The following CHST11 variants were observed in gnomAD, a reference collection of about 807,000 sequenced individuals.
The protein encoded by CHST11 is C4S-1.
CHST11 carries 9 observed loss-of-function variants against 30.4 expected under a neutral mutation model. The ratio of observed to expected loss-of-function variants is 0.30; its 90% CI spans 0.18 to 0.52. The LOEUF (loss-of-function observed/expected upper bound fraction) is 0.52, where lower values mean the gene tolerates loss of function less well. Ranked by LOEUF, CHST11 falls within the 20% of genes least tolerant of loss-of-function variation. The probability of loss-of-function intolerance (pLI) is 0.97; values close to 1 mark genes in which losing one functional copy is unlikely to be tolerated. For missense variants in CHST11, 348 were observed against 460.6 expected (o/e 0.76, Z 2.24); for synonymous variants, 152 against 187.8 (o/e 0.81, Z 1.56).
At chr12:104,677,849 C>T (rs1283372621) in intron 2 of CHST11, among the ~76,000 whole-genome samples, 1 of 152,208 alleles carries the variant, frequency 6.6e-6, no homozygotes, top group Non-Finnish European at 1.5e-5. Context: ...CACCCTGTCC[C>T]TCAGTTGCTG....
intron 2 of CHST11, among the ~76,000 whole-genome samples, chr12:104,648,848 A>G (rs2039462990): frequency 6.6e-6 from 1 of 152,174 alleles, no homozygotes; most frequent in Non-Finnish European, 1.5e-5. Context: ...AGGGACTAGC[A>G]AACCAGCAAG....
intron 2 of CHST11, among the ~76,000 whole-genome samples, chr12:104,735,112 T>G (rs1378248687): frequency 1.3e-5 from 2 of 152,138 alleles, no homozygotes; most frequent in Non-Finnish European, 2.9e-5. Context: ...TAGGGATCTA[T>G]GGGTAAACAG....
intron 2 of CHST11, among the ~76,000 whole-genome samples, chr12:104,681,349 A>G (rs1006485014): frequency 2.1e-4 from 32 of 152,262 alleles, no homozygotes; most frequent in African/African-American, 7.7e-4. Flanking sequence ...AAGACCGCAT[A>G]TGATATGATT....
chr12:104,583,997 G>A (rs901212721), intron 1 of CHST11, among the ~76,000 whole-genome samples: 2 of 152,314 alleles, frequency 1.3e-5, no homozygotes. Flanking sequence ...ACAGGCGTGA[G>A]CCACCGCACC....
In CHST11 at chr12:104,471,251, A is replaced by G. The variant is rs1022887651; in HGVS notation, c.118+13722A>G. 2.0e-4 allele frequency among the ~76,000 whole-genome samples: 30 copies of G among 152,352 alleles called. 2 individuals carry two copies. Among genetic ancestry groups the G allele is most frequent in the Admixed American group, 1.0e-3 (16 of 15,306 alleles). On this transcript the variant is annotated intron_variant, in intron 1 of 2. Coordinates refer to ENST00000303694, the MANE Select transcript of CHST11 (RefSeq NM_018413.6). ...AAGGGGCCATGTCTTGTTTAGCACA[A>G]TATCCCAACATCTCCAATAGAGCCT...
intron 2 of CHST11, among the ~76,000 whole-genome samples, chr12:104,739,092 T>C (rs3894626): frequency 0.024 from 3,629 of 152,248 alleles, 165 homozygotes; most frequent in African/African-American, 0.083. Context: ...ACGCTGTCAG[T>C]GGGAGGTTGG....
At chr12:104,482,838 T>C (rs528008713) in intron 1 of CHST11, among the ~76,000 whole-genome samples, 1 of 152,244 alleles carries the variant, frequency 6.6e-6, no homozygotes, top group East Asian at 1.9e-4. Context: ...GACTTTAATG[T>C]CTTAAAAATG....
intron 2 of CHST11, among the ~76,000 whole-genome samples, chr12:104,641,085 A>G (rs140236904): frequency 3.3e-5 from 5 of 152,248 alleles, no homozygotes; most frequent in Non-Finnish European, 5.9e-5. Context: ...GATGAGTCCA[A>G]TCGGGGACCA....
At chr12:104,548,200 A>T (rs973219907) in intron 1 of CHST11, among the ~76,000 whole-genome samples, 1 of 152,246 alleles carries the variant, frequency 6.6e-6, no homozygotes, top group Non-Finnish European at 1.5e-5. Context: ...GGTGGCACAC[A>T]GTAGGTGGTG....
intron 2 of CHST11, among the ~76,000 whole-genome samples, chr12:104,667,642 CT>C (rs766088456): frequency 2.4e-4 from 36 of 152,172 alleles, no homozygotes; most frequent in Non-Finnish European, 7.3e-5. Context: ...ACTCTGCTTT[CT>C]GCTCATTTCA....
chr12:104,487,637 G>C (rs972732100), intron 1 of CHST11, among the ~76,000 whole-genome samples: 25 of 152,156 alleles, frequency 1.6e-4, no homozygotes, highest in African/African-American at 5.8e-4. Context: ...GCTTGGAGAG[G>C]TAAAGATATT....
intron 2 of CHST11, among the ~76,000 whole-genome samples, chr12:104,713,860 C>T (rs796943941): frequency 3.3e-5 from 5 of 152,312 alleles, no homozygotes; most frequent in African/African-American, 1.2e-4. Flanking sequence ...GAGCAGCAGG[C>T]GAGGCTAGGG....
intron 1 of CHST11, among the ~76,000 whole-genome samples, chr12:104,513,132 G>GGGGGC (rs2037984650): frequency 1.8e-5 from 2 of 110,212 alleles, no homozygotes; most frequent in African/African-American, 7.8e-5. Context: ...CTGGGGGGGG[G>GGGGGC]GGGGGTTGGG....
intron 1 of CHST11, among the ~76,000 whole-genome samples, chr12:104,525,866 A>G (rs1342153418): frequency 7.4e-6 from 1 of 135,978 alleles, no homozygotes; most frequent in Non-Finnish European, 1.6e-5. Flanking sequence ...CATCTTTGCT[A>G]TGATGCCGAT....
intron 1 of CHST11, among the ~76,000 whole-genome samples, chr12:104,594,682 C>T (rs967728839): frequency 1.3e-5 from 2 of 152,182 alleles, no homozygotes; most frequent in East Asian, 3.9e-4. Flanking sequence ...TAGGGCTTGA[C>T]GTGGTGGCTC....
chr12:104,468,687 G>A (rs1336617447), intron 1 of CHST11, among the ~76,000 whole-genome samples: 1 of 152,220 alleles, frequency 6.6e-6, no homozygotes, highest in Non-Finnish European at 1.5e-5. Context: ...TGTGTAAACA[G>A]CATCTGGCGT....
intron 1 of CHST11, among the ~76,000 whole-genome samples, chr12:104,561,272 C>T (rs1166245824): frequency 6.6e-6 from 1 of 152,166 alleles, no homozygotes; most frequent in Non-Finnish European, 1.5e-5. Context: ...AAGCCCAGAC[C>T]CCTCCCATCT....
At chr12:104,503,396 A>G (rs1430769578) in intron 1 of CHST11, among the ~76,000 whole-genome samples, 2 of 152,216 alleles carry the variant, frequency 1.3e-5, no homozygotes, top group African/African-American at 2.4e-5. Flanking sequence ...CTTCCTGGCT[A>G]TGTGGCCTCG....
At chr12:104,720,994 G>A (rs1488251389) in intron 2 of CHST11, among the ~76,000 whole-genome samples, 1 of 152,172 alleles carries the variant, frequency 6.6e-6, no homozygotes, top group Non-Finnish European at 1.5e-5. Flanking sequence ...TTGCTCCAGG[G>A]CCGGGGCTGG....
Sources: gnomAD v4.1 joint callset for allele counts (sites outside exome capture counted in the v4.1 genomes callset) on GRCh38, gnomAD v4.1.1 for gene constraint, MANE v1.5 for transcripts, NCBI Gene and HGNC (gene_info 2026-07-23, HGNC 2026-07-21) for gene names.